RYR3: variants seen among roughly 807,000 people sequenced by gnomAD.
RYR3 encodes the protein brain ryanodine receptor-calcium release channel.
In RYR3, 207 loss-of-function variants were observed where a neutral mutation model predicts 584.3. The observed-to-expected ratio is 0.35, with a 90% CI of 0.32 to 0.40. The LOEUF (loss-of-function observed/expected upper bound fraction) is 0.40. RYR3 is among the 10% of genes least tolerant of loss of function. The pLI is 1.00. For synonymous variants in RYR3, 2,416 were observed against 2,248.5 expected, an observed-to-expected ratio of 1.07 and a Z score of -2.11; for missense variants, 5,616 against 6,089.2, an observed-to-expected ratio of 0.92 and a Z score of 2.59.
rs2043471182 is a variant in RYR3, at chr15:33,412,369, C to T, written c.52-61050C>T. 6.6e-6 allele frequency among the ~76,000 whole-genome samples: 1 copy of T among 152,140 alleles called. No individual in the cohort carries two copies. The highest frequency in any genetic ancestry group is 1.5e-5 in the Non-Finnish European group (1 of 68,030). On this transcript the variant is annotated intron_variant, in intron 1 of 103. Transcript: ENST00000634891. This position sits in a 1 kb window ranked among gnomAD's most constrained non-coding sequence, Gnocchi z 4.3. ...GAATTTGGGCTTTGATGCCACTCTT[C>T]TCAGTGGGAGACAAACTGACAGCGG...
At chr15:33,339,183 C>T (rs1040756503) in intron 1 of RYR3, among the ~76,000 whole-genome samples, 2 of 152,254 alleles carry the variant, frequency 1.3e-5, no homozygotes, top group African/African-American at 2.4e-5. Flanking sequence ...ACCGAAGGCA[C>T]TTACGTGCTG....
intron 36 of RYR3, among the ~76,000 whole-genome samples, chr15:33,667,849 G>C (rs1468921804): frequency 2.6e-5 from 4 of 152,060 alleles, no homozygotes; most frequent in Non-Finnish European, 5.9e-5. Context: ...GGATCACAAG[G>C]TCAGGAGTTC....
chr15:33,609,122 T>C (rs2060046288), intron 18 of RYR3, among the ~76,000 whole-genome samples: 1 of 152,220 alleles, frequency 6.6e-6, no homozygotes, highest in African/African-American at 2.4e-5. Flanking sequence ...ACTTTGGCAG[T>C]TTTGTCCCAG....
At chr15:33,424,591 C>T (rs1419092094) in intron 1 of RYR3, among the ~76,000 whole-genome samples, 2 of 152,122 alleles carry the variant, frequency 1.3e-5, no homozygotes, top group Non-Finnish European at 2.9e-5. Context: ...TCCCATCTGC[C>T]TGATTGAGCC....
chr15:33,739,528 C>T (rs551885582), intron 50 of RYR3, among the ~76,000 whole-genome samples: 2 of 152,082 alleles, frequency 1.3e-5, no homozygotes, highest in South Asian at 2.1e-4. Context: ...TCTGGCCTAG[C>T]GCCTAGTCAC....
chr15:33,576,316 AAG>A (rs1460599964), intron 12 of RYR3, among the ~76,000 whole-genome samples: 2 of 152,212 alleles, frequency 1.3e-5, no homozygotes, highest in African/African-American at 2.4e-5. Flanking sequence ...GATGAACAAA[AAG>A]AGAAAACTTC....
At chr15:33,641,590 C>T (rs1276761622) in intron 27 of RYR3, among the ~76,000 whole-genome samples, 1 of 152,140 alleles carries the variant, frequency 6.6e-6, no homozygotes, top group Non-Finnish European at 1.5e-5. Context: ...TCGTTTTCTC[C>T]AAGAGAAAGC....
At position 33,838,751 on chromosome 15, in the gene RYR3, G is replaced by T; in HGVS notation, c.12771G>T (p.Glu4257Asp). ...TMEAERAEVM[E>D]PGITTELVHF... ...AGGCTGAGAGGGCAGAGGTGATGGA[G>T]CCAGGTATCACCACTGAACTAGTAC... The change falls in exon 89 of 104, where the codon GAG (glutamate) becomes GAT (aspartate). Residue 4257 changes from glutamate (E) to aspartate (D), a missense_variant. By Grantham distance (45) the Glu-to-Asp change is conservative. Around this residue, in one of 9 missense-constraint regions of RYR3, gnomAD observed 918 missense variants for 887.4 expected, o/e 1.03. Coordinates refer to ENST00000634891, the MANE Select transcript of RYR3 (RefSeq NM_001036.6). 1 of 1,613,916 alleles carries T rather than the reference G, an allele frequency of 6.2e-7. No homozygotes were observed.
At position 33,854,769 on chromosome 15, in the gene RYR3, T is replaced by C. The variant is rs2079472914; in HGVS notation, c.13864T>C (p.Phe4622Leu). 17 of 1,603,850 alleles carry C rather than the reference T, an allele frequency of 1.1e-5. No individual in the cohort carries two copies. Among genetic ancestry groups the C allele is most frequent in the Non-Finnish European group, 1.4e-5 (17 of 1,176,934 alleles). ...KLGVVFTDNS[F>L]LYLAWYTTMS... ...GTCTGCTTTCTTCCATTCCCAGTCC[T>C]TTCTCTACCTTGCCTGGTATACAAC... The change falls in exon 98 of 104, where the codon TTT (phenylalanine) becomes CTT (leucine). Residue 4622 changes from phenylalanine (F) to leucine (L), a missense_variant. Around this residue, in one of 9 missense-constraint regions of RYR3, gnomAD observed 918 missense variants for 887.4 expected, o/e 1.03. Transcript: ENST00000634891.
intron 43 of RYR3, among the ~76,000 whole-genome samples, chr15:33,720,974 A>G (rs1027386924): frequency 3.9e-5 from 6 of 152,262 alleles, no homozygotes; most frequent in Non-Finnish European, 8.8e-5. Flanking sequence ...AAATATGTCT[A>G]TAAATTCTTT....
chr15:33,698,093 G>A (rs1390161), intron 40 of RYR3, 97 bp downstream of exon 40: 311,605 of 795,722 alleles, frequency 0.39, 65,442 homozygotes, highest in East Asian at 0.6. Context: ...CCTTGCCTCA[G>A]TTTCTCTTCC....
At chr15:33,421,815 C>A (rs1226026068) in intron 1 of RYR3, among the ~76,000 whole-genome samples, 1 of 152,158 alleles carries the variant, frequency 6.6e-6, no homozygotes, top group Non-Finnish European at 1.5e-5. Context: ...GGTAGAACTT[C>A]AGAGTAACCC....
At chr15:33,387,388 AT>A (rs139563554) in intron 1 of RYR3, among the ~76,000 whole-genome samples, 2,085 of 152,028 alleles carry the variant, frequency 0.014, 52 homozygotes, top group African/African-American at 0.048. Flanking sequence ...TCTATTTTTC[AT>A]TTTTTTGGGA....
intron 69 of RYR3, among the ~76,000 whole-genome samples, chr15:33,803,758 A>G (rs1254559960): frequency 6.6e-6 from 1 of 152,044 alleles, no homozygotes; most frequent in East Asian, 1.9e-4. Context: ...CAAGTGATCC[A>G]CCCACCTCAT....
intron 1 of RYR3, among the ~76,000 whole-genome samples, chr15:33,378,016 A>T (rs1284265295): frequency 2.0e-5 from 3 of 152,162 alleles, no homozygotes; most frequent in Admixed American, 6.5e-5. Context: ...TCCTAGACTC[A>T]AGTGATCCTC....
intron 67 of RYR3, among the ~76,000 whole-genome samples, chr15:33,790,758 T>A (rs1175012627): frequency 6.6e-6 from 1 of 151,526 alleles, no homozygotes; most frequent in African/African-American, 2.4e-5. Context: ...AAGTAAAGGA[T>A]TGAGGAAGAG....
At chr15:33,471,925 C>T (rs918248959) in intron 1 of RYR3, among the ~76,000 whole-genome samples, 3 of 152,250 alleles carry the variant, frequency 2.0e-5, no homozygotes, top group Admixed American at 6.5e-5. Context: ...AGGATCCTAA[C>T]GCCCCTGGTT....
chr15:33,681,268 C>T (rs2064587787), intron 38 of RYR3, among the ~76,000 whole-genome samples: 2 of 152,218 alleles, frequency 1.3e-5, no homozygotes, highest in East Asian at 1.9e-4. Context: ...AGCTGGAGTA[C>T]GTTAGTTTTC....
At chr15:33,782,005 C>T (rs1282277889) in intron 65 of RYR3, among the ~76,000 whole-genome samples, 3 of 152,170 alleles carry the variant, frequency 2.0e-5, no homozygotes, top group Admixed American at 2.0e-4. Flanking sequence ...AAATGCCAGC[C>T]CAGGTGTTGC....
Sources: gnomAD v4.1 joint callset for allele counts (sites outside exome capture counted in the v4.1 genomes callset) on GRCh38, gnomAD v4.1.1 for gene constraint, gnomAD v4.1.1 regional missense constraint, Gnocchi (gnomAD v3.1) non-coding constraint, MANE v1.5 for transcripts, NCBI Gene and HGNC (gene_info 2026-07-23, HGNC 2026-07-21) for gene names.